Variants in SHC4 observed in about 807,000 individuals in gnomAD.
SHC4 encodes the protein SHC-transforming protein 4.
Under a neutral mutation model 69.4 loss-of-function variants are expected in SHC4, and 41 were observed. The observed-to-expected ratio is 0.59, with a 90% CI of 0.46 to 0.77. SHC4 has a LOEUF of 0.77. SHC4 is among the 30% of genes least tolerant of loss of function. The probability of loss-of-function intolerance (pLI) is 0.00; values close to 1 mark genes in which losing one functional copy is unlikely to be tolerated. For missense variants in SHC4, 777 were observed against 783.8 expected (o/e 0.99, Z 0.10); for synonymous variants, 318 against 299.3 (o/e 1.06, Z -0.64).
At chr15:48,937,627 G>C (rs1013288150) in intron 1 of SHC4, among the ~76,000 whole-genome samples, 1 of 150,478 alleles carries the variant, frequency 6.6e-6, no homozygotes, top group Non-Finnish European at 1.5e-5. Flanking sequence ...TAGATAGATA[G>C]AGATATAAAT....
chr15:48,847,527 G>A (rs1270885138), intron 9 of SHC4, among the ~76,000 whole-genome samples: 5 of 152,068 alleles, frequency 3.3e-5, no homozygotes, highest in African/African-American at 1.2e-4. Flanking sequence ...TGGAATTCAA[G>A]TTTGAAGTCA....
At chr15:48,886,321 G>C (rs1900035574) in intron 3 of SHC4, among the ~76,000 whole-genome samples, 1 of 152,034 alleles carries the variant, frequency 6.6e-6, no homozygotes, top group South Asian at 2.1e-4. Flanking sequence ...CAGTCGAAAA[G>C]CATTTTGTTA....
chr15:48,839,499 T>C (rs1931827263), intron 10 of SHC4, among the ~76,000 whole-genome samples: 1 of 152,078 alleles, frequency 6.6e-6, no homozygotes, highest in South Asian at 2.1e-4. Context: ...ACACCAAAAG[T>C]CCTTTCCTAA....
Position 48,924,960 on chromosome 15 carries a change from A to C in SHC4, c.586-11T>G. The C allele has an allele frequency of 6.2e-7, 1 of 1,613,802 alleles. No homozygotes were observed. Among genetic ancestry groups the C allele is most frequent in the Non-Finnish European group, 8.5e-7 (1 of 1,179,870 alleles). On this transcript the variant is annotated splice_polypyrimidine_tract_variant and intron_variant, in intron 1 of 11. Transcript: ENST00000332408. ...AACACAGCCCATGTACTACAATAAG[A>C]AGAAAAAAAAGAAGAAGTAGGACAA...
At chr15:48,951,571 G>T (rs1901365044) in intron 1 of SHC4, among the ~76,000 whole-genome samples, 1 of 151,934 alleles carries the variant, frequency 6.6e-6, no homozygotes, top group Non-Finnish European at 1.5e-5. Flanking sequence ...TTTTCCTTCT[G>T]ATTTCCTACA....
rs762913067 is a variant in SHC4 at position 48,962,585 on chromosome 15, G to A, written c.431C>T (p.Pro144Leu). The A allele has an allele frequency of 3.1e-6, 5 of 1,612,998 alleles. No homozygotes were observed. Among genetic ancestry groups the A allele is most frequent in the Middle Eastern group, 1.7e-4 (1 of 6,052 alleles). ...ETSLSRSGTAPPPQQDLVGHR... is the reference protein window; with the variant it reads ...ETSLSRSGTALPPQQDLVGHR... ...TCCCACCAGGTCCTGCTGCGGTGGA[G>A]GTGCAGTCCCGGACCTACTTAAACT... Residue 144 changes from proline to leucine, a missense_variant, in exon 1 of 12, where the codon CCT becomes CTT. Pro to Leu is a moderately conservative substitution (Grantham distance 98, BLOSUM62 -3). Transcript: ENST00000332408.
chr15:48,904,724 C>T (rs56243367), intron 2 of SHC4, among the ~76,000 whole-genome samples: 1 of 150,392 alleles, frequency 6.6e-6, no homozygotes, highest in African/African-American at 2.4e-5. Context: ...CACACACACA[C>T]AAAAAAATGT....
At chr15:48,879,701 GA>G in intron 4 of SHC4, 1 of 167,190 alleles carries the variant, frequency 6.0e-6, no homozygotes. Context: ...AACCTGCCCA[GA>G]AATTACCTTG....
Position 48,963,058 on chromosome 15 carries a change from C to T in SHC4, c.-43G>A, listed in dbSNP as rs766191088. On this transcript the variant is annotated 5_prime_UTR_variant, in exon 1 of 12. Coordinates refer to ENST00000332408, the MANE Select transcript of SHC4 (RefSeq NM_203349.4). ...AACAGGATACTGTTGCATAAATCGCCTCGTCGTCTGGTAGATAAACGGTGC... is the reference window on the plus strand; with the variant it reads ...AACAGGATACTGTTGCATAAATCGCTTCGTCGTCTGGTAGATAAACGGTGC... The T allele has an allele frequency of 6.5e-7, 1 of 1,545,846 alleles. No homozygotes were observed. Among genetic ancestry groups the T allele is most frequent in the Admixed American group, 1.9e-5 (1 of 52,760 alleles).
intron 6 of SHC4, among the ~76,000 whole-genome samples, chr15:48,866,892 T>C (rs547797179): frequency 2.0e-5 from 3 of 152,362 alleles, no homozygotes; most frequent in East Asian, 1.9e-4. Context: ...GGAGTCTGAA[T>C]GTCCCAGCGT....
At chr15:48,947,449 T>C (rs973837995) in intron 1 of SHC4, 1 of 152,228 alleles carries the variant, frequency 6.6e-6, no homozygotes, top group African/African-American at 2.4e-5. Flanking sequence ...TACACAAATA[T>C]GCAACACTTA....
At chr15:48,896,095 AT>A (rs1172255356) in intron 2 of SHC4, among the ~76,000 whole-genome samples, 1 of 152,148 alleles carries the variant, frequency 6.6e-6, no homozygotes, top group East Asian at 1.9e-4. Flanking sequence ...CTCAAAAAAA[AT>A]AGTAGTTATT....
chr15:48,881,282 C>T (rs1899940455), intron 4 of SHC4, among the ~76,000 whole-genome samples: 1 of 150,726 alleles, frequency 6.6e-6, no homozygotes, highest in South Asian at 2.1e-4. Context: ...AATCTAGATT[C>T]TTACCTTTTT....
chr15:48,855,749 G>A (rs1323706844), intron 8 of SHC4, among the ~76,000 whole-genome samples: 1 of 152,098 alleles, frequency 6.6e-6, no homozygotes, highest in Admixed American at 6.6e-5. Context: ...AGTGAGATAT[G>A]AGATCATCTG....
chr15:48,951,147 C>A (rs538121494), intron 1 of SHC4, among the ~76,000 whole-genome samples: 1 of 152,182 alleles, frequency 6.6e-6, no homozygotes, highest in South Asian at 2.1e-4. Flanking sequence ...CTCCCCAGTC[C>A]TAACTATTCT....
chr15:48,894,279 G>A (rs1447911614), intron 2 of SHC4, among the ~76,000 whole-genome samples: 1 of 152,058 alleles, frequency 6.6e-6, no homozygotes, highest in African/African-American at 2.4e-5. Flanking sequence ...CTTTTTTTGT[G>A]GTTTGCTATT....
At chr15:48,877,647 A>G in intron 4 of SHC4, 1 of 828,142 alleles carries the variant, frequency 1.2e-6, no homozygotes, top group Non-Finnish European at 1.5e-6. Flanking sequence ...CTAAAAAAAA[A>G]AAAAGTACAA....
At chr15:48,880,539 A>G (rs1899920870) in intron 4 of SHC4, among the ~76,000 whole-genome samples, 2 of 152,136 alleles carry the variant, frequency 1.3e-5, no homozygotes. Flanking sequence ...ACTCTTGGAA[A>G]AAAAAATCTG....
chr15:48,857,859 G>C (rs1463194358), intron 6 of SHC4, 44 bp from the exon 7 acceptor site: 5 of 1,424,936 alleles, frequency 3.5e-6, no homozygotes, highest in Non-Finnish European at 4.6e-6. Context: ...TAAATTTTTA[G>C]AAAGAGAAGA....
Sources: allele counts gnomAD v4.1 joint callset (sites outside exome capture counted in the v4.1 genomes callset), GRCh38; gene constraint gnomAD v4.1.1; transcripts MANE v1.5; gene names NCBI Gene and HGNC (gene_info 2026-07-23, HGNC 2026-07-21).